Variants in NR3C1 observed in about 807,000 individuals in gnomAD.
The protein encoded by NR3C1 is nuclear receptor subfamily 3 group C member 1, also known as glucocorticoid receptor.
NR3C1 carries 14 observed loss-of-function variants against 74.0 expected under a neutral mutation model. That is an observed-to-expected ratio of 0.19 (90% confidence interval 0.12 to 0.30). The LOEUF (loss-of-function observed/expected upper bound fraction) is 0.30, where lower values mean the gene tolerates loss of function less well. Ranked by LOEUF, NR3C1 falls within the 10% of genes least tolerant of loss-of-function variation. The probability of loss-of-function intolerance (pLI) is 1.00; values close to 1 mark genes in which losing one functional copy is unlikely to be tolerated. For synonymous variants in NR3C1, 308 were observed against 332.5 expected (o/e 0.93, Z 0.80); for missense variants, 695 against 909.8 (o/e 0.76, Z 3.04).
intron 2 of NR3C1, among the ~76,000 whole-genome samples, chr5:143,366,005 G>A (rs866625263): frequency 4.6e-5 from 7 of 152,144 alleles, no homozygotes; most frequent in African/African-American, 4.8e-5. Context: ...TGCAGTGAAA[G>A]CATATACATT....
chr5:143,312,171 G>A (rs920601724), intron 3 of NR3C1, among the ~76,000 whole-genome samples: 1 of 151,982 alleles, frequency 6.6e-6, no homozygotes, highest in African/African-American at 2.4e-5. Context: ...ATTTATGGTG[G>A]GTGTGGTAGC....
chr5:143,297,972 T>TA (rs1478033801), intron 6 of NR3C1, among the ~76,000 whole-genome samples: 4 of 151,996 alleles, frequency 2.6e-5, no homozygotes, highest in Non-Finnish European at 4.4e-5. Flanking sequence ...ACTGGGGAGA[T>TA]ATGTGATGCA....
intron 7 of NR3C1, among the ~76,000 whole-genome samples, chr5:143,285,910 A>G (rs1814309871): frequency 6.6e-6 from 1 of 151,812 alleles, no homozygotes; most frequent in Non-Finnish European, 1.5e-5. Context: ...CAACAAAATC[A>G]AGACCAAGCT....
chr5:143,335,830 A>G (rs191189008), intron 2 of NR3C1, among the ~76,000 whole-genome samples: 2 of 152,154 alleles, frequency 1.3e-5, no homozygotes, highest in Non-Finnish European at 2.9e-5. Context: ...ACCTTTGCAA[A>G]TGTCTGATTA....
At chr5:143,396,857 C>T (rs1469127100) in intron 2 of NR3C1, among the ~76,000 whole-genome samples, 2 of 150,372 alleles carry the variant, frequency 1.3e-5, no homozygotes, top group Non-Finnish European at 3.0e-5. Context: ...TGTTCTCTAC[C>T]TCTGTCATTA....
chr5:143,351,895 A>G (rs977789045), intron 2 of NR3C1, among the ~76,000 whole-genome samples: 1 of 152,206 alleles, frequency 6.6e-6, no homozygotes, highest in African/African-American at 2.4e-5. Flanking sequence ...TAGTTGGGAA[A>G]TAATTATATA....
Position 143,400,549 on chromosome 5 carries a change from C to T in NR3C1, c.291G>A (p.Val97=). 1 of 1,614,258 alleles carries T rather than the reference C, an allele frequency of 6.2e-7. No individual in the cohort carries two copies. Among genetic ancestry groups the T allele is most frequent in the Non-Finnish European group, 8.5e-7 (1 of 1,180,050 alleles). ...GTGGGAATCCCAGGTCATTTCCCAT[C>T]ACTTTTGTTTCTGTCTCTCCCATAT... is the stretch of plus-strand genomic sequence containing the variant. ...GLYMGETETK[V]MGNDLGFPQQ... is the part of the protein sequence containing the mutation. Residue 97 remains valine, a synonymous_variant, in exon 2 of 9, where the codon GTG becomes GTA. Transcript: ENST00000394464.
At chr5:143,294,000 G>A in intron 7 of NR3C1, 1 of 984,920 alleles carries the variant, frequency 1.0e-6, no homozygotes, top group Non-Finnish European at 1.2e-6. Context: ...ACCGCTACAG[G>A]TAACATTAAA....
intron 2 of NR3C1, among the ~76,000 whole-genome samples, chr5:143,364,712 T>C (rs80326568): frequency 0.036 from 5,418 of 152,096 alleles, 314 homozygotes; most frequent in African/African-American, 0.12. Context: ...ATTTTTTTTT[T>C]CCTTCATTTC....
intron 1 of NR3C1, chr5:143,402,526 C>G: frequency 1.1e-6 from 1 of 927,676 alleles, no homozygotes; most frequent in Admixed American, 6.2e-5. Flanking sequence ...ACAACAAACG[C>G]TAAAGAGCAA....
At chr5:143,403,957 G>GGGTGGC, upstream of NR3C1, 2 of 985,112 alleles carry the variant, frequency 2.0e-6, no homozygotes, top group Non-Finnish European at 1.2e-6. Context: ...CCAGGAAAAA[G>GGGTGGC]GGTGGCGGCG....
At chr5:143,373,980 C>T (rs1345734379) in intron 2 of NR3C1, among the ~76,000 whole-genome samples, 4 of 152,164 alleles carry the variant, frequency 2.6e-5, no homozygotes, top group Non-Finnish European at 5.9e-5. Context: ...AGATAAGCTC[C>T]TAACTTCAGT....
At chr5:143,418,292 C>T (rs1455246920) in intron 1 of NR3C1, among the ~76,000 whole-genome samples, 4 of 152,166 alleles carry the variant, frequency 2.6e-5, no homozygotes, top group South Asian at 2.1e-4. Context: ...GTTTGTGTAA[C>T]GTAGCAGACA....
At chr5:143,405,345 C>T (rs1841045115), upstream of NR3C1, 1 of 985,650 alleles carries the variant, frequency 1.0e-6, no homozygotes, top group Admixed American at 6.1e-5. Context: ...TCCCGCCGCG[C>T]TCAGACTGAC....
At chr5:143,288,273 C>T (rs1430927082) in intron 7 of NR3C1, among the ~76,000 whole-genome samples, 1 of 151,892 alleles carries the variant, frequency 6.6e-6, no homozygotes, top group East Asian at 1.9e-4. Flanking sequence ...CATGTGCCAC[C>T]ACGCCTGGCT....
At chr5:143,297,075 CAAAA>C (rs766243522) in intron 6 of NR3C1, among the ~76,000 whole-genome samples, 8 of 60,636 alleles carry the variant, frequency 1.3e-4, no homozygotes, top group African/African-American at 4.1e-4. Flanking sequence ...AGACTCGTCT[CAAAA>C]AAAAAAAAAA....
chr5:143,306,924 T>C, intron 4 of NR3C1, among the ~76,000 whole-genome samples: 1 of 117,362 alleles, frequency 8.5e-6, no homozygotes, highest in Non-Finnish European at 1.6e-5. Context: ...TGAGACGGAG[T>C]CTCGCTCTGT....
rs531564286 is a variant in NR3C1, at chr5:143,336,714, G to A, written c.1185-22546C>T. Among the ~76,000 whole-genome samples, 31 of 152,268 alleles carry A rather than the reference G, an allele frequency of 2.0e-4. No individual in the cohort carries two copies. The South Asian group carries it at 6.0e-3, about 29-fold the overall frequency. On this transcript the variant is annotated intron_variant, in intron 2 of 8. Transcript: ENST00000394464. ...AGGCCAGGCGCGGTAGCTCATGCCT[G>A]TAATCCCAGCACTTTGGGAGGCTAA...
At chr5:143,322,746 G>A (rs760274342) in intron 2 of NR3C1, among the ~76,000 whole-genome samples, 17 of 152,184 alleles carry the variant, frequency 1.1e-4, no homozygotes, top group Non-Finnish European at 1.8e-4. Flanking sequence ...ATCTCAACCT[G>A]ATTTAAAGCC....
Sources: allele counts gnomAD v4.1 joint callset (sites outside exome capture counted in the v4.1 genomes callset), GRCh38; gene constraint gnomAD v4.1.1; transcripts MANE v1.5; gene names NCBI Gene and HGNC (gene_info 2026-07-23, HGNC 2026-07-21).